Variants in ACADM observed in about 807,000 individuals in gnomAD.
ACADM encodes the protein acyl-CoA dehydrogenase medium chain, also known as medium-chain specific acyl-CoA dehydrogenase, mitochondrial.
In ACADM, 49 loss-of-function variants were observed where a neutral mutation model predicts 58.9. That is an observed-to-expected ratio of 0.83 (90% CI 0.66 to 1.06). The LOEUF (loss-of-function observed/expected upper bound fraction) is 1.06, where lower values mean the gene tolerates loss of function less well. ACADM is among the 50% of genes least tolerant of loss of function. ACADM has a pLI of 0.00. For missense variants in ACADM, 496 were observed against 507.0 expected (o/e 0.98, Z 0.21); for synonymous variants, 160 against 157.7 (o/e 1.01, Z -0.11).
chr1:75,761,515 A>C (rs1490703787), intron 11 of ACADM, 145 bp downstream of exon 11: 2 of 818,798 alleles, frequency 2.4e-6, no homozygotes, highest in African/African-American at 1.7e-5. Context: ...TTTTGGAATT[A>C]ATTAATAGAA....
In ACADM at chr1:75,745,929, A is replaced by G; in HGVS notation, c.708+15A>G. 1 of 1,529,746 alleles carries G rather than the reference A, an allele frequency of 6.5e-7. No homozygotes were observed. The highest frequency in any genetic ancestry group is 9.1e-7 in the Non-Finnish European group (1 of 1,103,402). The allele number at this position is 1,529,746 out of a possible 1,614,324, so 94.8% of individuals were successfully genotyped here. ...TTGGGAGAAAGGTAAAGTATTTATT[A>G]ATGATTAGGGCCCCAAATATTATTT... is the stretch of plus-strand genomic sequence containing the variant. On this transcript the variant is annotated intron_variant, in intron 8 of 11. Coordinates refer to ENST00000370841, the MANE Select transcript of ACADM (RefSeq NM_000016.6).
chr1:75,744,089 A>G lies in ACADM; in HGVS notation c.600-1717A>G, dbSNP rs1213940388. On this transcript the variant is annotated intron_variant, in intron 7 of 11. Transcript: ENST00000370841. ...CAGACGCTGAGCAATGCACTGCCGCATCCTGTTCATTTTCTCCTGATGTTC... is the reference window on the plus strand; with the variant it reads ...CAGACGCTGAGCAATGCACTGCCGCGTCCTGTTCATTTTCTCCTGATGTTC... 4.4e-6 allele frequency: 7 copies of G among 1,588,486 alleles called. No individual in the cohort carries two copies. The African/African-American group carries it at 9.4e-5, about 21-fold the overall frequency.
At chr1:75,743,573 G>A in intron 7 of ACADM, 1 of 1,587,664 alleles carries the variant, frequency 6.3e-7, no homozygotes, top group Non-Finnish European at 8.7e-7. Flanking sequence ...ATAGCCACTG[G>A]CTTGTCAAAG....
At chr1:75,756,439 C>T (rs1372875952) in intron 10 of ACADM, among the ~76,000 whole-genome samples, 2 of 151,866 alleles carry the variant, frequency 1.3e-5, no homozygotes, top group Non-Finnish European at 2.9e-5. Flanking sequence ...AGAGCCAAAT[C>T]ATGAGTGAAC....
rs547230943 is a variant in ACADM, at chr1:75,752,562, T to C, written c.945+2016T>C. ...TCAGATCTGCTTTCTAGTTCTCTTA[T>C]CTTGTGCCTAATCTATTTAATCTGT... is the stretch of plus-strand genomic sequence containing the variant. On this transcript the variant is annotated intron_variant, in intron 10 of 11. Coordinates refer to ENST00000370841, the MANE Select transcript of ACADM (RefSeq NM_000016.6). Among the ~76,000 whole-genome samples the C allele has an allele frequency of 2.0e-5, 3 of 152,332 alleles. No homozygotes were observed. In the East Asian group the frequency reaches 5.8e-4, roughly 29 times the overall value.
Position 75,732,246 on chromosome 1 carries a change from G to A in ACADM, c.119-398G>A, listed in dbSNP as rs538805619. On this transcript the variant is annotated intron_variant, in intron 2 of 11. Transcript: ENST00000370841. ...TCACTGAGTGTGTTTCATCTATTTCGTTAGATTGATTCTTGTCGTCAGGGA... is the reference window on the plus strand; with the variant it reads ...TCACTGAGTGTGTTTCATCTATTTCATTAGATTGATTCTTGTCGTCAGGGA... 5.8e-4 allele frequency among the ~76,000 whole-genome samples: 88 copies of A among 152,054 alleles called. 1 individual carries two copies. Among genetic ancestry groups the A allele is most frequent in the Middle Eastern group, 3.4e-3 (1 of 294 alleles).
chr1:75,727,954 A>G (rs548003490), intron 1 of ACADM, among the ~76,000 whole-genome samples: 7 of 152,182 alleles, frequency 4.6e-5, no homozygotes, highest in Non-Finnish European at 1.0e-4. Context: ...TTCCAGAGGC[A>G]TGCATGGGAG....
intron 10 of ACADM, among the ~76,000 whole-genome samples, chr1:75,754,488 G>A (rs1036844922): frequency 9.2e-5 from 14 of 152,180 alleles, no homozygotes; most frequent in East Asian, 1.9e-4. Context: ...GATTACAGGC[G>A]TGAGCCACCG....
intron 2 of ACADM, among the ~76,000 whole-genome samples, chr1:75,729,885 ATTTTTT>A (rs551916973): frequency 6.8e-5 from 5 of 73,870 alleles, no homozygotes; most frequent in Non-Finnish European, 1.3e-4. Flanking sequence ...GGGATGGTGG[ATTTTTT>A]TTTTTTTTTT....
At chr1:75,744,368 C>G (rs767219290) in intron 7 of ACADM, 1 of 1,571,700 alleles carries the variant, frequency 6.4e-7, no homozygotes, top group Non-Finnish European at 8.8e-7. Context: ...AGCGGAGTGC[C>G]TCCTTCGACT....
rs771150762 is a variant in ACADM at position 75,733,158 on chromosome 1, C to T, written c.286+236C>T. On this transcript the variant is annotated intron_variant, in intron 4 of 11. Transcript: ENST00000370841. ...CTTGCACCTAAACCTTGGTAACTTC[C>T]GTTTCTAGAGTTGGTCAATTTGTTG... The T allele has an allele frequency of 6.2e-6, 10 of 1,612,544 alleles. No individual in the cohort carries two copies. The South Asian group carries it at 8.8e-5, about 14-fold the overall frequency.
chr1:75,733,606 C>T lies in ACADM; in HGVS notation c.365C>T (p.Ala122Val). ...LAYGCTGVQT[A>V]IEGNSLGQMP... ...TATGGATGTACAGGGGTTCAGACTGCTATTGAAGGAAATTCTTTGGGGGTA... is the reference window on the plus strand; with the variant it reads ...TATGGATGTACAGGGGTTCAGACTGTTATTGAAGGAAATTCTTTGGGGGTA... Residue 122 changes from alanine (A) to valine (V), a missense_variant, in exon 5 of 12, where the codon GCT (alanine) becomes GTT (valine). Ala to Val is a moderately conservative substitution (Grantham distance 64). Coordinates refer to ENST00000370841, the MANE Select transcript of ACADM (RefSeq NM_000016.6). 1 of 1,613,668 alleles carries T rather than the reference C, an allele frequency of 6.2e-7. No individual in the cohort carries two copies. The highest frequency in any genetic ancestry group is 8.5e-7 in the Non-Finnish European group (1 of 1,179,774).
At chr1:75,740,384 A>C (rs771824215) in intron 7 of ACADM, among the ~76,000 whole-genome samples, 1 of 152,166 alleles carries the variant, frequency 6.6e-6, no homozygotes, top group Non-Finnish European at 1.5e-5. Flanking sequence ...CACTCTGTCT[A>C]CTTGGCTTAT....
Position 75,740,116 on chromosome 1 carries a change from T to C in ACADM, c.599+6T>C. On this transcript the variant is annotated splice_donor_region_variant and intron_variant, in intron 7 of 11. Transcript: ENST00000370841. ...AACGGAGGAAAAGCTAATTGGTATG[T>C]TGTTCAAAACATCTTTGTATATTTT... 6.2e-7 allele frequency: 1 copy of C among 1,608,216 alleles called. No individual in the cohort carries two copies. The highest frequency in any genetic ancestry group is 8.5e-7 in the Non-Finnish European group (1 of 1,175,798).
chr1:75,743,654 C>T (rs1647712695), intron 7 of ACADM: 4 of 1,492,106 alleles, frequency 2.7e-6, no homozygotes, highest in East Asian at 2.3e-5. Context: ...CCAAAAACAC[C>T]TCCATTGCTA....
At chr1:75,757,910 C>G (rs555339774) in intron 10 of ACADM, among the ~76,000 whole-genome samples, 4 of 152,316 alleles carry the variant, frequency 2.6e-5, no homozygotes, top group African/African-American at 4.8e-5. Flanking sequence ...GTTGCAAGTC[C>G]TGGACTCCAG....
chr1:75,759,657 T>A (rs1436738014), intron 10 of ACADM, among the ~76,000 whole-genome samples: 4 of 22,582 alleles, frequency 1.8e-4, no homozygotes, highest in Non-Finnish European at 4.5e-4. Context: ...AGCAACTTTC[T>A]TTTTTTTTTT....
At chr1:75,751,962 C>T (rs1219540247) in intron 10 of ACADM, among the ~76,000 whole-genome samples, 2 of 151,454 alleles carry the variant, frequency 1.3e-5, no homozygotes, top group Non-Finnish European at 2.9e-5. Context: ...TCCTGCAACT[C>T]ACTATGAGTT....
At chr1:75,741,095 C>T (rs1647541109) in intron 7 of ACADM, among the ~76,000 whole-genome samples, 1 of 152,142 alleles carries the variant, frequency 6.6e-6, no homozygotes, top group Non-Finnish European at 1.5e-5. Flanking sequence ...ATGGGAAATA[C>T]TGTATTTACC....
Sources: allele counts gnomAD v4.1 joint callset (sites outside exome capture counted in the v4.1 genomes callset), GRCh38; gene constraint gnomAD v4.1.1; transcripts MANE v1.5; gene names NCBI Gene and HGNC (gene_info 2026-07-23, HGNC 2026-07-21).